The following PPP1R36 variants were observed in gnomAD, a reference collection of about 807,000 sequenced individuals.
The protein encoded by PPP1R36 is protein phosphatase 1 regulatory subunit 36.
In PPP1R36, 47 loss-of-function variants were observed where a neutral mutation model predicts 53.4. The observed-to-expected ratio is 0.88, with a 90% confidence interval of 0.70 to 1.12. PPP1R36 has a LOEUF of 1.12. Among genes scored for constraint, PPP1R36 ranks in the 50% most tolerant of loss-of-function variants. The probability of loss-of-function intolerance (pLI) is 0.00; values close to 1 mark genes in which losing one functional copy is unlikely to be tolerated. For synonymous variants in PPP1R36, 153 were observed against 170.5 expected (o/e 0.90, Z 0.80); for missense variants, 456 against 513.9 (o/e 0.89, Z 1.09).
chr14:64,565,539 A>G, intron 5 of PPP1R36, 85 bp downstream of exon 5: 2 of 1,423,558 alleles, frequency 1.4e-6, no homozygotes, highest in South Asian at 2.3e-5. Flanking sequence ...GCCCATCTAC[A>G]TATAACATCC....
intron 3 of PPP1R36, among the ~76,000 whole-genome samples, chr14:64,556,762 A>ATGTGTGTGTG (rs369620598): frequency 0.14 from 18,809 of 133,800 alleles, 1,579 homozygotes; most frequent in Admixed American, 0.2. Context: ...TCTCCAAAAA[A>ATGTGTGTGTG]TGTGTGTGTG....
At chr14:64,586,652 G>T (rs2098218690) in intron 8 of PPP1R36, 185 bp from the exon 9 acceptor site, 2 of 486,710 alleles carry the variant, frequency 4.1e-6, no homozygotes, top group Admixed American at 3.7e-5. Context: ...TTTGATCTGG[G>T]TAACGTAGGA....
At chr14:64,550,886 T>C in intron 1 of PPP1R36, 35 bp from the exon 2 acceptor site, 1 of 1,523,784 alleles carries the variant, frequency 6.6e-7, no homozygotes, top group African/African-American at 1.4e-5. Context: ...AATTGAGCTT[T>C]TAATTATTTT....
At chr14:64,564,088 T>C (rs2080229739) in intron 3 of PPP1R36, among the ~76,000 whole-genome samples, 1 of 152,252 alleles carries the variant, frequency 6.6e-6, no homozygotes, top group South Asian at 2.1e-4. Context: ...TCAAACTCAT[T>C]ACGGCTTAGT....
intron 6 of PPP1R36, among the ~76,000 whole-genome samples, chr14:64,566,103 A>G (rs2080252804): frequency 6.6e-6 from 1 of 152,180 alleles, no homozygotes. Context: ...CCCCGTCTCT[A>G]CTAAAAATAC....
chr14:64,565,727 A>C, intron 6 of PPP1R36, 35 bp downstream of exon 6: 2 of 1,487,748 alleles, frequency 1.3e-6, no homozygotes, highest in Non-Finnish European at 1.9e-6. Context: ...TAGATCTTTT[A>C]TCCTTTATTT....
chr14:64,553,543 A>G (rs1344450247), intron 3 of PPP1R36, among the ~76,000 whole-genome samples: 1 of 152,240 alleles, frequency 6.6e-6, no homozygotes, highest in East Asian at 1.9e-4. Context: ...AAAAGAGGCC[A>G]GACACAAAAA....
At chr14:64,558,242 G>GTGTAACCACT (rs1211426407) in intron 3 of PPP1R36, among the ~76,000 whole-genome samples, 1 of 152,034 alleles carries the variant, frequency 6.6e-6, no homozygotes, top group Non-Finnish European at 1.5e-5. Flanking sequence ...AGATGACAGT[G>GTGTAACCACT]GTTACAGGTG....
rs764283604 is a variant in PPP1R36 at position 64,579,195 on chromosome 14, C to T, written c.668+4606C>T. Reference sequence around the variant, plus strand: ...TTAATACCTGAGCGATGTGATAATACGTACAACAAACCCCCGTGACTCGTG... The same window carrying T: ...TTAATACCTGAGCGATGTGATAATATGTACAACAAACCCCCGTGACTCGTG... On this transcript the variant is annotated intron_variant, in intron 8 of 11. Coordinates refer to ENST00000298705, the MANE Select transcript of PPP1R36 (RefSeq NM_172365.3). Among the ~76,000 whole-genome samples the T allele has an allele frequency of 5.9e-5, 9 of 152,070 alleles. No individual in the cohort carries two copies. In the East Asian group the frequency reaches 7.7e-4, roughly 13 times the overall value.
At chr14:64,588,360 G>C in intron 11 of PPP1R36, 65 bp downstream of exon 11, 1 of 1,440,426 alleles carries the variant, frequency 6.9e-7, no homozygotes. Context: ...GCTGGAAGGG[G>C]CAGGGGCCCA....
chr14:64,562,628 G>A (rs562170537), intron 3 of PPP1R36, among the ~76,000 whole-genome samples: 43 of 152,202 alleles, frequency 2.8e-4, no homozygotes, highest in Admixed American at 2.5e-3. Context: ...AGACAAGTGT[G>A]AAGTAGAGAA....
intron 3 of PPP1R36, among the ~76,000 whole-genome samples, chr14:64,559,132 T>C (rs193292283): frequency 6.6e-6 from 1 of 152,220 alleles, no homozygotes; most frequent in Non-Finnish European, 1.5e-5. Context: ...GGGATCAAGA[T>C]CAGAGGTCGG....
intron 8 of PPP1R36, among the ~76,000 whole-genome samples, chr14:64,576,992 T>A (rs912453118): frequency 1.3e-5 from 2 of 152,214 alleles, no homozygotes; most frequent in African/African-American, 4.8e-5. Flanking sequence ...TGGGTTGCTA[T>A]AGCAAAGTAC....
At chr14:64,573,172 A>G (rs926802) in intron 7 of PPP1R36, among the ~76,000 whole-genome samples, 116,570 of 152,158 alleles carry the variant, frequency 0.77, 45,001 homozygotes, top group East Asian at 0.86. Context: ...GGAATGTATC[A>G]TCAGCAATAT....
intron 2 of PPP1R36, among the ~76,000 whole-genome samples, chr14:64,552,260 G>A (rs1432186304): frequency 3.9e-5 from 6 of 152,052 alleles, no homozygotes; most frequent in Non-Finnish European, 7.4e-5. Flanking sequence ...AGGCTGAGGC[G>A]GGCAGATCAC....
In PPP1R36 at chr14:64,568,448, G is replaced by A. The variant is rs781096538; in HGVS notation, c.533+1G>A. 3 of 1,424,378 alleles carry A rather than the reference G, an allele frequency of 2.1e-6. No homozygotes were observed. The highest frequency in any genetic ancestry group is 1.4e-5 in the African/African-American group (1 of 69,906). 88.2% of individuals were successfully genotyped at this position (1,424,378 alleles called of 1,614,324 possible). On this transcript the variant is annotated splice_donor_variant, in intron 7 of 11. Coordinates refer to ENST00000298705, the MANE Select transcript of PPP1R36 (RefSeq NM_172365.3). LOFTEE classifies it high-confidence loss of function. ...AAAAGAAACCCAAAAGCTATATGGT[G>A]TAAGTAAGATTTTATAGTGTGCTTT...
Position 64,587,244 on chromosome 14 carries a change from A to G in PPP1R36, c.762A>G (p.Gln254=), listed in dbSNP as rs2080440705. Residue 254 remains glutamine (Q), a synonymous_variant, in exon 10 of 12, where the codon CAA becomes CAG. Transcript: ENST00000298705. ...TGGCTTGGATTGTCTTCCGACGTCA[A>G]CACTTGACAGAGATTGAAGAAGAAG... The part of the protein sequence containing the change: ...TYVAWIVFRR[Q]HLTEIEEEVG... The G allele has an allele frequency of 6.2e-7, 1 of 1,613,560 alleles. No individual in the cohort carries two copies. Among genetic ancestry groups the G allele is most frequent in the African/African-American group, 1.3e-5 (1 of 74,886 alleles).
intron 8 of PPP1R36, among the ~76,000 whole-genome samples, chr14:64,584,695 T>C (rs1311001697): frequency 1.3e-5 from 2 of 152,182 alleles, no homozygotes; most frequent in African/African-American, 2.4e-5. Context: ...ACAGGATCTG[T>C]CCCTAATTAG....
chr14:64,587,397 C>A, intron 10 of PPP1R36, 25 bp downstream of exon 10: 2 of 1,377,156 alleles, frequency 1.5e-6, no homozygotes, highest in Non-Finnish European at 1.9e-6. Flanking sequence ...CTTTCCTATG[C>A]TCAGGGGTAT....
Sources: allele counts gnomAD v4.1 joint callset (sites outside exome capture counted in the v4.1 genomes callset), GRCh38; gene constraint gnomAD v4.1.1; transcripts MANE v1.5; gene names NCBI Gene and HGNC (gene_info 2026-07-23, HGNC 2026-07-21).